MYZAP: variants seen among roughly 807,000 people sequenced by gnomAD.
MYZAP encodes GRINL1A complex locus upstream.
In MYZAP, 66 loss-of-function variants were observed where a neutral mutation model predicts 69.4. That is an observed-to-expected ratio of 0.95 (90% CI 0.78 to 1.17). The LOEUF (loss-of-function observed/expected upper bound fraction) is 1.17, where lower values mean the gene tolerates loss of function less well. MYZAP is among the 50% of genes most tolerant of loss of function. The pLI is 0.00. For missense variants in MYZAP, 611 were observed against 556.2 expected (o/e 1.10, Z -0.99); for synonymous variants, 256 against 205.9 (o/e 1.24, Z -2.09).
chr15:57,682,115 T>C (rs1249903851), intron 12 of MYZAP, among the ~76,000 whole-genome samples: 1 of 152,114 alleles, frequency 6.6e-6, no homozygotes, highest in Non-Finnish European at 1.5e-5. Context: ...TTAAGGCCGT[T>C]TGGTATAGGT....
chr15:57,654,374 G>A (rs558572950), intron 10 of MYZAP, among the ~76,000 whole-genome samples: 77 of 152,144 alleles, frequency 5.1e-4, no homozygotes, highest in African/African-American at 1.7e-3. Flanking sequence ...AGGAGGGGGA[G>A]TTGATTCTAC....
intron 2 of MYZAP, among the ~76,000 whole-genome samples, chr15:57,611,970 G>T (rs940688776): frequency 2.5e-4 from 38 of 152,298 alleles, no homozygotes; most frequent in Non-Finnish European, 5.1e-4. Flanking sequence ...CTGTGGAAAG[G>T]CCCTTTGGGC....
chr15:57,608,966 C>T (rs1017349767), intron 2 of MYZAP, among the ~76,000 whole-genome samples: 22 of 152,310 alleles, frequency 1.4e-4, no homozygotes, highest in Non-Finnish European at 2.4e-4. Flanking sequence ...TGATAACTTC[C>T]CAGACTTCTA....
intron 1 of MYZAP, among the ~76,000 whole-genome samples, chr15:57,599,143 G>T (rs1426876379): frequency 6.6e-6 from 1 of 152,170 alleles, no homozygotes; most frequent in Admixed American, 6.5e-5. Flanking sequence ...TACAACTAGG[G>T]TAATGGAAGC....
chr15:57,639,225 T>TG (rs1184899866), intron 9 of MYZAP, among the ~76,000 whole-genome samples: 17 of 151,868 alleles, frequency 1.1e-4, no homozygotes, highest in African/African-American at 2.2e-4. Flanking sequence ...TTTTTTTTTT[T>TG]TGTGGAGATG....
chr15:57,613,341 A>G (rs1341678161), intron 2 of MYZAP, among the ~76,000 whole-genome samples: 1 of 151,840 alleles, frequency 6.6e-6, no homozygotes, highest in Admixed American at 6.6e-5. Flanking sequence ...TAGCATTATA[A>G]AGAGGCTTTT....
At chr15:57,626,813 G>A (rs559010923) in intron 5 of MYZAP, among the ~76,000 whole-genome samples, 1 of 152,352 alleles carries the variant, frequency 6.6e-6, no homozygotes, top group Non-Finnish European at 1.5e-5. Context: ...AGTGACAACA[G>A]CAGGGCTCGG....
chr15:57,676,273 A>G (rs1436093269), intron 12 of MYZAP, among the ~76,000 whole-genome samples: 2 of 151,964 alleles, frequency 1.3e-5, no homozygotes, highest in East Asian at 1.9e-4. Context: ...ATCACTTGCC[A>G]TTCTCAAAGA....
intron 8 of MYZAP, among the ~76,000 whole-genome samples, chr15:57,634,404 CTG>C (rs574729741): frequency 2.0e-4 from 31 of 152,290 alleles, no homozygotes; most frequent in Middle Eastern, 3.4e-3. Context: ...AGGGCCAAGT[CTG>C]TGGCTGGTTT....
At chr15:57,669,165 AG>A (rs1454979503) in intron 11 of MYZAP, among the ~76,000 whole-genome samples, 3 of 152,268 alleles carry the variant, frequency 2.0e-5, no homozygotes, top group African/African-American at 7.2e-5. Flanking sequence ...CTGGGATTAT[AG>A]GCATGAGCCA....
intron 3 of MYZAP, among the ~76,000 whole-genome samples, chr15:57,619,974 G>A (rs1424729744): frequency 6.6e-6 from 1 of 152,114 alleles, no homozygotes; most frequent in Non-Finnish European, 1.5e-5. Flanking sequence ...GGTCCCTCCT[G>A]CCATAGGTGG....
chr15:57,624,556 A>G (rs2036011020), intron 4 of MYZAP, among the ~76,000 whole-genome samples: 1 of 152,240 alleles, frequency 6.6e-6, no homozygotes, highest in Non-Finnish European at 1.5e-5. Context: ...TCATTCTGCC[A>G]TGACTGTCAG....
At chr15:57,621,775 T>C in intron 4 of MYZAP, 75 bp downstream of exon 4, 1 of 1,388,688 alleles carries the variant, frequency 7.2e-7, no homozygotes, top group Non-Finnish European at 1.0e-6. Flanking sequence ...GGCTAGTGCC[T>C]AAAGATATTA....
intron 1 of MYZAP, among the ~76,000 whole-genome samples, chr15:57,598,167 G>A (rs1248714010): frequency 1.3e-5 from 2 of 152,154 alleles, no homozygotes; most frequent in East Asian, 1.9e-4. Flanking sequence ...TACTGGATCC[G>A]CAGAGTACCC....
At chr15:57,599,980 A>C (rs553808283) in intron 1 of MYZAP, among the ~76,000 whole-genome samples, 1 of 152,320 alleles carries the variant, frequency 6.6e-6, no homozygotes, top group South Asian at 2.1e-4. Context: ...TACTATAACT[A>C]CTATTATTAT....
chr15:57,620,527 G>A (rs1156922269), intron 3 of MYZAP, among the ~76,000 whole-genome samples: 2 of 152,214 alleles, frequency 1.3e-5, no homozygotes, highest in African/African-American at 4.8e-5. Context: ...GTTGTGTTTT[G>A]AAAGTTTTTA....
chr15:57,683,200 G>A (rs868492478), intron 12 of MYZAP, among the ~76,000 whole-genome samples: 4 of 152,100 alleles, frequency 2.6e-5, no homozygotes, highest in African/African-American at 4.8e-5. Context: ...GAGGGATGCC[G>A]CCAACTACCA....
At chr15:57,641,345 A>C (rs1447447951) in intron 10 of MYZAP, among the ~76,000 whole-genome samples, 3 of 152,146 alleles carry the variant, frequency 2.0e-5, no homozygotes, top group Non-Finnish European at 4.4e-5. Context: ...ATTTGAAGAG[A>C]GTGAAGGAGT....
At chr15:57,641,039 G>A (rs936610751) in intron 10 of MYZAP, among the ~76,000 whole-genome samples, 6 of 152,160 alleles carry the variant, frequency 3.9e-5, no homozygotes, top group African/African-American at 1.4e-4. Context: ...AATTTCACAC[G>A]CACGAAGTCT....
Sources: allele counts gnomAD v4.1 joint callset (sites outside exome capture counted in the v4.1 genomes callset), GRCh38; gene constraint gnomAD v4.1.1; transcripts MANE v1.5; gene names NCBI Gene and HGNC (gene_info 2026-07-23, HGNC 2026-07-21).